Variants in TMTC3 observed in about 807,000 individuals in gnomAD.
TMTC3 encodes the protein transmembrane O-mannosyltransferase targeting cadherins 3.
A neutral mutation model predicts 92.2 loss-of-function variants in TMTC3; 52 were observed. The observed-to-expected ratio is 0.56, with a 90% CI of 0.45 to 0.71. TMTC3 has a LOEUF of 0.71. Ranked by LOEUF, TMTC3 falls within the 30% of genes least tolerant of loss-of-function variation. The probability of loss-of-function intolerance (pLI) is 0.00; values close to 1 mark genes in which losing one functional copy is unlikely to be tolerated. For missense variants in TMTC3, 896 were observed against 1,057.1 expected (o/e 0.85, Z 2.11); for synonymous variants, 339 against 363.3 (o/e 0.93, Z 0.76).
chr12:88,185,010 T>TAAA (rs766918288), intron 10 of TMTC3, among the ~76,000 whole-genome samples: 2 of 152,156 alleles, frequency 1.3e-5, no homozygotes, highest in Non-Finnish European at 2.9e-5. Context: ...GGAAGATCAT[T>TAAA]TAGAAGGCTT....
rs146513688 is a variant in TMTC3, at chr12:88,193,821, A to C, written c.1933+991A>C. 3.3e-3 allele frequency among the ~76,000 whole-genome samples: 495 copies of C among 152,290 alleles called. 5 individuals are homozygous for C. The highest frequency in any genetic ancestry group is 0.011 in the African/African-American group (475 of 41,572). On this transcript the variant is annotated intron_variant, in intron 13 of 13. Coordinates refer to ENST00000266712, the MANE Select transcript of TMTC3 (RefSeq NM_181783.4). ...AGGTTTTCTACCTTGATAATCATGA[A>C]GGATGCTCATTATTCGACACAAGAT...
chr12:88,145,356 A>G (rs2040860211), intron 1 of TMTC3, among the ~76,000 whole-genome samples: 1 of 152,192 alleles, frequency 6.6e-6, no homozygotes, highest in Admixed American at 6.5e-5. Flanking sequence ...ATTCTTGTCC[A>G]TGAAATTAAG....
At chr12:88,175,983 A>G (rs1306007865) in intron 9 of TMTC3, among the ~76,000 whole-genome samples, 2 of 152,192 alleles carry the variant, frequency 1.3e-5, no homozygotes, top group Non-Finnish European at 2.9e-5. Flanking sequence ...TAAAATGTTA[A>G]TATATAACGT....
At chr12:88,154,690 A>G (rs1329395477) in intron 4 of TMTC3, among the ~76,000 whole-genome samples, 1 of 152,192 alleles carries the variant, frequency 6.6e-6, no homozygotes, top group Non-Finnish European at 1.5e-5. Flanking sequence ...TCTGTTATCT[A>G]TTAATGATAT....
intron 4 of TMTC3, 79 bp downstream of exon 4, chr12:88,154,466 T>TA: frequency 1.2e-6 from 1 of 857,298 alleles, no homozygotes; most frequent in Non-Finnish European, 1.8e-6. Flanking sequence ...AAGTGCTTCT[T>TA]ATAACACATT....
chr12:88,171,452 G>A (rs536960138), intron 7 of TMTC3, among the ~76,000 whole-genome samples: 4 of 152,148 alleles, frequency 2.6e-5, no homozygotes, highest in South Asian at 2.1e-4. Flanking sequence ...GAGATCATGC[G>A]TTGTTTGTCT....
At chr12:88,159,405 G>C (rs976139059) in intron 4 of TMTC3, among the ~76,000 whole-genome samples, 2 of 152,122 alleles carry the variant, frequency 1.3e-5, no homozygotes, top group African/African-American at 4.8e-5. Flanking sequence ...TAGACACAAT[G>C]GCTCGTGCCT....
intron 10 of TMTC3, among the ~76,000 whole-genome samples, chr12:88,188,181 C>T (rs1316962787): frequency 9.9e-5 from 15 of 152,160 alleles, no homozygotes; most frequent in Admixed American, 8.5e-4. Flanking sequence ...CCATTATACT[C>T]TCATTCTAGC....
chr12:88,151,720 G>T (rs2040945304), intron 2 of TMTC3, among the ~76,000 whole-genome samples: 1 of 152,196 alleles, frequency 6.6e-6, no homozygotes, highest in South Asian at 2.1e-4. Context: ...CTTTCACCTA[G>T]AATATATGTT....
chr12:88,182,292 G>A (rs1002567080), intron 10 of TMTC3, among the ~76,000 whole-genome samples: 1 of 152,182 alleles, frequency 6.6e-6, no homozygotes, highest in Non-Finnish European at 1.5e-5. Flanking sequence ...GCAGGTCTGT[G>A]CAATCTAGTT....
intron 11 of TMTC3, among the ~76,000 whole-genome samples, chr12:88,189,417 T>C (rs1203975674): frequency 1.3e-5 from 2 of 152,134 alleles, no homozygotes; most frequent in Non-Finnish European, 2.9e-5. Context: ...TTAAAAATTG[T>C]TTTTATAGTC....
intron 4 of TMTC3, among the ~76,000 whole-genome samples, chr12:88,158,659 C>T (rs1249833948): frequency 1.0e-5 from 1 of 98,904 alleles, no homozygotes; most frequent in East Asian, 3.3e-4. Context: ...ATATTAAGCC[C>T]AGTGACAGAA....
rs775816764 is a variant in TMTC3, at chr12:88,190,637, C to G, written c.1706+15C>G. ...TACATTAGCAGGTATCCCAGTTCAA[C>G]TTTAAGCTATCATTATGGAATATTG... is the stretch of plus-strand genomic sequence containing the variant. On this transcript the variant is annotated intron_variant, in intron 12 of 13. Coordinates refer to ENST00000266712, the MANE Select transcript of TMTC3 (RefSeq NM_181783.4). 8.1e-6 allele frequency: 13 copies of G among 1,610,620 alleles called. No individual in the cohort carries two copies. Among genetic ancestry groups the G allele is most frequent in the Non-Finnish European group, 1.0e-5 (12 of 1,178,052 alleles).
Position 88,197,727 on chromosome 12 carries a change from T to A in TMTC3, c.*2078T>A, listed in dbSNP as rs1200176074. 1.3e-5 allele frequency: 2 copies of A among 152,094 alleles called. No individual in the cohort carries two copies. Among genetic ancestry groups the A allele is most frequent in the Non-Finnish European group, 2.9e-5 (2 of 67,944 alleles). 9.4% of individuals were successfully genotyped at this position (152,094 alleles called of 1,614,324 possible). On this transcript the variant is annotated 3_prime_UTR_variant, in exon 14 of 14. Transcript: ENST00000266712. ...AAAAAGTGCTCATGTATTTGAATTTTAAATAATTTATTTAAATCAAGACCA... is the reference window on the plus strand; with the variant it reads ...AAAAAGTGCTCATGTATTTGAATTTAAAATAATTTATTTAAATCAAGACCA...
At position 88,196,467 on chromosome 12, in the gene TMTC3, C is replaced by T. The variant is rs993093146; in HGVS notation, c.*818C>T. The T allele has an allele frequency of 2.6e-5, 4 of 152,076 alleles. No homozygotes were observed. Among genetic ancestry groups the T allele is most frequent in the Non-Finnish European group, 5.9e-5 (4 of 67,730 alleles). The allele number at this position is 152,076 out of a possible 1,614,324, so 9.4% of individuals were successfully genotyped here. A position where few individuals can be genotyped will look rare whatever the true frequency, so the allele number is the denominator to read the frequency against. On this transcript the variant is annotated 3_prime_UTR_variant, in exon 14 of 14. Coordinates refer to ENST00000266712, the MANE Select transcript of TMTC3 (RefSeq NM_181783.4). Reference sequence around the variant, plus strand: ...TTAGATCGTAGTCATTGAGAAGTCCCAATAACTCTAAACTTTTGAGTTATA... The same window carrying T: ...TTAGATCGTAGTCATTGAGAAGTCCTAATAACTCTAAACTTTTGAGTTATA...
chr12:88,173,865 G>A (rs1278953830), intron 8 of TMTC3, among the ~76,000 whole-genome samples: 1 of 152,104 alleles, frequency 6.6e-6, no homozygotes, highest in Admixed American at 6.6e-5. Flanking sequence ...CACACAGCTA[G>A]TAAATAACAG....
At chr12:88,143,293 A>C (rs1450163528) in intron 1 of TMTC3, among the ~76,000 whole-genome samples, 2 of 152,194 alleles carry the variant, frequency 1.3e-5, no homozygotes. Context: ...ACAAAATAAA[A>C]AGATACTGAT....
Position 88,190,554 on chromosome 12 carries a change from A to G in TMTC3, c.1638A>G (p.Glu546=). 2 of 1,614,032 alleles carry G rather than the reference A, an allele frequency of 1.2e-6. No individual in the cohort carries two copies. Among genetic ancestry groups the G allele is most frequent in the South Asian group, 1.1e-5 (1 of 91,082 alleles). ...TCCGAGCAAATGAGTCCCGACTGGAAGAAGCAGATCAGCTGTACCGTCAAG... is the reference window on the plus strand; with the variant it reads ...TCCGAGCAAATGAGTCCCGACTGGAGGAAGCAGATCAGCTGTACCGTCAAG... ...NLIRANESRL[E]EADQLYRQAI... is the part of the protein sequence containing the mutation. Residue 546 remains glutamate, a synonymous_variant, in exon 12 of 14, where the codon GAA becomes GAG. Coordinates refer to ENST00000266712, the MANE Select transcript of TMTC3 (RefSeq NM_181783.4).
Position 88,198,149 on chromosome 12 carries a change from T to TAAC in TMTC3, c.*2501_*2503dup, listed in dbSNP as rs2041537179. ...GTGTAAGATTATTATTTCTTCTCTATAACTTCAAAATAGATATTTCATTCA... is the reference window on the plus strand; with the variant it reads ...GTGTAAGATTATTATTTCTTCTCTATAACAACTTCAAAATAGATATTTCATTCA... On this transcript the variant is annotated 3_prime_UTR_variant, in exon 14 of 14. Transcript: ENST00000266712. 2 of 393,434 alleles carry TAAC rather than the reference T, an allele frequency of 5.1e-6. No homozygotes were observed. Among genetic ancestry groups the TAAC allele is most frequent in the Admixed American group, 4.4e-5 (1 of 22,622 alleles). The allele number at this position is 393,434 out of a possible 1,614,324, so 24.4% of individuals were successfully genotyped here. A position where few individuals can be genotyped will look rare whatever the true frequency, so the allele number is the denominator to read the frequency against.
Sources: gnomAD v4.1 joint callset for allele counts (sites outside exome capture counted in the v4.1 genomes callset) on GRCh38, gnomAD v4.1.1 for gene constraint, MANE v1.5 for transcripts, NCBI Gene and HGNC (gene_info 2026-07-23, HGNC 2026-07-21) for gene names.